Variants in NPAS2 observed in about 807,000 individuals in gnomAD.
NPAS2 encodes neuronal PAS domain-containing protein 2.
Under a neutral mutation model 107.5 loss-of-function variants are expected in NPAS2, and 23 were observed. The ratio of observed to expected loss-of-function variants is 0.21; its 90% CI spans 0.15 to 0.30. The LOEUF is 0.30. NPAS2 is among the 10% of genes least tolerant of loss of function. NPAS2 has a pLI of 1.00. For missense variants in NPAS2, 756 were observed against 1,043.3 expected (o/e 0.72, Z 3.79); for synonymous variants, 403 against 417.5 (o/e 0.97, Z 0.42).
At chr2:100,911,626 A>G (rs1272182195) in intron 2 of NPAS2, among the ~76,000 whole-genome samples, 1 of 150,108 alleles carries the variant, frequency 6.7e-6, no homozygotes, top group Non-Finnish European at 1.5e-5. Flanking sequence ...TTTCTTATAC[A>G]TTTCCATTCA....
chr2:100,973,174 G>A (rs1463132346), intron 12 of NPAS2, among the ~76,000 whole-genome samples: 3 of 150,728 alleles, frequency 2.0e-5, no homozygotes, highest in Admixed American at 6.6e-5. Context: ...GCGAGACTCC[G>A]TCTCAAAAAA....
rs1482315133 is a variant in NPAS2 at position 100,976,172 on chromosome 2, C to A, written c.1392+605C>A. Among the ~76,000 whole-genome samples the A allele has an allele frequency of 6.6e-6, 1 of 151,926 alleles. No homozygotes were observed. Among genetic ancestry groups the A allele is most frequent in the African/African-American group, 2.4e-5 (1 of 41,348 alleles). On this transcript the variant is annotated intron_variant, in intron 14 of 20. Transcript: ENST00000335681. This position sits in a 1 kb window ranked among gnomAD's most constrained non-coding sequence, Gnocchi z 4.1. Reference sequence around the variant, plus strand: ...AAAGGGCATCATGGGGATGGCACTTCTCTGCTCCTTGGTGTCGGGGATCTC... The same window carrying A: ...AAAGGGCATCATGGGGATGGCACTTATCTGCTCCTTGGTGTCGGGGATCTC...
intron 2 of NPAS2, among the ~76,000 whole-genome samples, chr2:100,918,020 C>T (rs1239985077): frequency 6.6e-6 from 1 of 151,224 alleles, no homozygotes; most frequent in East Asian, 1.9e-4. Flanking sequence ...AGTGTAGATA[C>T]AAAATTTCTC....
chr2:100,840,213 C>T (rs1304548576), intron 1 of NPAS2, among the ~76,000 whole-genome samples: 4 of 152,148 alleles, frequency 2.6e-5, no homozygotes, highest in Admixed American at 2.0e-4. Context: ...TGTCTGTCCT[C>T]TGGGCTCTGA....
chr2:100,939,025 C>T (rs1261848561), intron 5 of NPAS2, among the ~76,000 whole-genome samples: 1 of 152,174 alleles, frequency 6.6e-6, no homozygotes, highest in Non-Finnish European at 1.5e-5. Flanking sequence ...CTCTCCTTAG[C>T]TGCCCCTGCC....
intron 1 of NPAS2, among the ~76,000 whole-genome samples, chr2:100,825,423 T>G (rs1676314633): frequency 6.6e-6 from 1 of 152,230 alleles, no homozygotes; most frequent in Non-Finnish European, 1.5e-5. Flanking sequence ...TATTAGTTTA[T>G]CTTAAAAAGC....
chr2:100,987,722 G>T (rs1362130897), intron 16 of NPAS2: 3 of 267,304 alleles, frequency 1.1e-5, no homozygotes, highest in Non-Finnish European at 2.2e-5. Flanking sequence ...CCACTCACCA[G>T]GTATTTCTCC....
chr2:100,968,540 C>G lies in NPAS2; in HGVS notation c.1055+112C>G. 9.5e-7 allele frequency: 1 copy of G among 1,054,038 alleles called. No homozygotes were observed. The highest frequency in any genetic ancestry group is 1.5e-5 in the South Asian group (1 of 64,958). The allele number at this position is 1,054,038 out of a possible 1,614,324, so 65.3% of individuals were successfully genotyped here. On this transcript the variant is annotated intron_variant, in intron 11 of 20. Transcript: ENST00000335681. The surrounding 1 kb of genome is among the most constrained non-coding windows in gnomAD (Gnocchi z 5.3). ...AGATCAGCAGTCACTCAGGTGTTCC[C>G]CATTTCGAAGATGAAGCCCAGGCCA...
intron 3 of NPAS2, among the ~76,000 whole-genome samples, chr2:100,925,636 T>C (rs960407977): frequency 5.3e-5 from 8 of 152,196 alleles, no homozygotes; most frequent in African/African-American, 1.9e-4. Context: ...ACAGATGCAG[T>C]GGCTGAATAC....
rs79353026 is a variant in NPAS2 at position 100,896,661 on chromosome 2, A to G, written c.-22-8072A>G. Reference sequence around the variant, plus strand: ...TGCACATGCAGAAGTTTTTGTTTTAATTTTAGTCACCAGGATATAACTGTC... The same window carrying G: ...TGCACATGCAGAAGTTTTTGTTTTAGTTTTAGTCACCAGGATATAACTGTC... On this transcript the variant is annotated intron_variant, in intron 1 of 20. Transcript: ENST00000335681. 5.8e-3 allele frequency among the ~76,000 whole-genome samples: 876 copies of G among 152,270 alleles called. 7 individuals are homozygous for G. The highest frequency in any genetic ancestry group is 0.02 in the African/African-American group (821 of 41,546).
chr2:100,834,143 T>C (rs148525013), intron 1 of NPAS2, among the ~76,000 whole-genome samples: 3 of 152,288 alleles, frequency 2.0e-5, no homozygotes, highest in Non-Finnish European at 4.4e-5. Flanking sequence ...TCAGTGCTTC[T>C]CTTTCTCTGA....
intron 1 of NPAS2, among the ~76,000 whole-genome samples, chr2:100,867,571 C>T (rs1163160829): frequency 1.3e-5 from 2 of 152,110 alleles, no homozygotes; most frequent in Non-Finnish European, 2.9e-5. Flanking sequence ...TTTAAGTTTT[C>T]TGTTTTTAGA....
At chr2:100,987,955 A>G (rs1677871293) in intron 16 of NPAS2, 124 bp from the exon 17 acceptor site, 2 of 1,025,586 alleles carry the variant, frequency 2.0e-6, no homozygotes, top group South Asian at 1.5e-5. Context: ...CAGTGGAGTA[A>G]ATGAACTATT....
Position 100,820,967 on chromosome 2 carries a change from A to C in NPAS2, c.-23+553A>C. On this transcript the variant is annotated intron_variant, in intron 1 of 20. Transcript: ENST00000335681. This position sits in a 1 kb window ranked among gnomAD's most constrained non-coding sequence, Gnocchi z 5.6. Reference sequence around the variant, plus strand: ...ACCCCCGTGTGCGCAGACAGCGTGCAGCCTGGCTCCTCACGTCGCTGCCGC... The same window carrying C: ...ACCCCCGTGTGCGCAGACAGCGTGCCGCCTGGCTCCTCACGTCGCTGCCGC... 2 of 1,094,144 alleles carry C rather than the reference A, an allele frequency of 1.8e-6. No homozygotes were observed. Among genetic ancestry groups the C allele is most frequent in the Non-Finnish European group, 2.4e-6 (2 of 818,868 alleles). 67.8% of individuals were successfully genotyped at this position (1,094,144 alleles called of 1,614,324 possible).
intron 7 of NPAS2, among the ~76,000 whole-genome samples, chr2:100,959,746 C>T (rs890529516): frequency 6.6e-6 from 1 of 152,114 alleles, no homozygotes; most frequent in East Asian, 1.9e-4. Context: ...CGAGAAGTGC[C>T]GAGAAAGCTA....
chr2:100,921,022 G>A (rs1184136556), intron 2 of NPAS2, among the ~76,000 whole-genome samples: 6 of 152,222 alleles, frequency 3.9e-5, no homozygotes, highest in African/African-American at 1.4e-4. Context: ...TCTCTGCACG[G>A]TGTGCTTAGT....
chr2:100,822,595 G>A (rs1003723575), intron 1 of NPAS2: 6 of 152,132 alleles, frequency 3.9e-5, no homozygotes, highest in Non-Finnish European at 5.9e-5. Flanking sequence ...TAAGGCATGC[G>A]TATACTTTTT....
chr2:100,926,206 T>G (rs1683551499), intron 3 of NPAS2, among the ~76,000 whole-genome samples: 1 of 152,218 alleles, frequency 6.6e-6, no homozygotes, highest in Non-Finnish European at 1.5e-5. Flanking sequence ...TTGTTTACAA[T>G]TTTTGGAAAT....
At chr2:100,930,621 T>TA (rs1683874505) in intron 3 of NPAS2, among the ~76,000 whole-genome samples, 1 of 122,038 alleles carries the variant, frequency 8.2e-6, no homozygotes, top group South Asian at 3.1e-4. Flanking sequence ...GTATCTAACA[T>TA]ATTTTTTTAA....
Sources: allele counts gnomAD v4.1 joint callset (sites outside exome capture counted in the v4.1 genomes callset), GRCh38; gene constraint gnomAD v4.1.1; non-coding constraint Gnocchi (gnomAD v3.1); transcripts MANE v1.5; gene names NCBI Gene and HGNC (gene_info 2026-07-23, HGNC 2026-07-21).